RNF220: variants seen among roughly 807,000 people sequenced by gnomAD.
The protein encoded by RNF220 is E3 ubiquitin-protein ligase RNF220.
In RNF220, 7 loss-of-function variants were observed where a neutral mutation model predicts 67.1. The observed-to-expected ratio is 0.10, with a 90% confidence interval of 0.06 to 0.20. The LOEUF is 0.20. Among genes scored for constraint, RNF220 ranks in the 10% least tolerant of loss-of-function variants. RNF220 has a pLI of 1.00. For synonymous variants in RNF220, 270 were observed against 283.2 expected (o/e 0.95, Z 0.47); for missense variants, 565 against 740.3 (o/e 0.76, Z 2.75).
At chr1:44,478,242 A>G (rs1370613031) in intron 2 of RNF220, among the ~76,000 whole-genome samples, 1 of 151,984 alleles carries the variant, frequency 6.6e-6, no homozygotes, top group East Asian at 1.9e-4. Context: ...CGCCTCCCAA[A>G]TGCAGCCTCC....
chr1:44,444,566 G>A (rs1360410686), intron 2 of RNF220, among the ~76,000 whole-genome samples: 1 of 151,900 alleles, frequency 6.6e-6, no homozygotes, highest in Non-Finnish European at 1.5e-5. Flanking sequence ...TCAGCCTCCT[G>A]AGTAGCTGGG....
At chr1:44,475,656 T>C (rs1655233984) in intron 2 of RNF220, among the ~76,000 whole-genome samples, 1 of 151,392 alleles carries the variant, frequency 6.6e-6, no homozygotes, top group Non-Finnish European at 1.5e-5. Flanking sequence ...ATCCAATGCA[T>C]TGAATAAGAG....
intron 3 of RNF220, among the ~76,000 whole-genome samples, chr1:44,617,299 G>C (rs1427455095): frequency 6.6e-6 from 1 of 152,038 alleles, no homozygotes; most frequent in Non-Finnish European, 1.5e-5. Context: ...TGGACCGGCC[G>C]GCAAAGGCGT....
intron 1 of RNF220, 143 bp downstream of exon 1, chr1:44,405,673 G>A (rs974492439): frequency 4.2e-6 from 1 of 238,054 alleles, no homozygotes. Flanking sequence ...ACGGGGGCAG[G>A]GACTGGGACT....
chr1:44,409,654 C>T (rs926598888), intron 1 of RNF220, among the ~76,000 whole-genome samples: 6 of 152,198 alleles, frequency 3.9e-5, no homozygotes, highest in Admixed American at 3.3e-4. Flanking sequence ...ACTTACTTTC[C>T]CTTTGCCGGG....
chr1:44,650,742 A>G lies in RNF220; in HGVS notation c.1668A>G (p.Thr556=). The change falls in exon 15 of 15, where the codon ACA becomes ACG. Residue 556 remains threonine (T), a synonymous_variant. Coordinates refer to ENST00000361799, the MANE Select transcript of RNF220 (RefSeq NM_018150.4). The surrounding 1 kb of genome is among the most constrained non-coding windows in gnomAD (Gnocchi z 4.3). ...KKLCPQCNTI[T]APGDLRRIYL ...TCTGCCCTCAGTGCAACACGATCAC[A>G]GCGCCCGGAGACCTGCGGAGGATCT... 1.2e-6 allele frequency: 2 copies of G among 1,612,798 alleles called. No individual in the cohort carries two copies. The highest frequency in any genetic ancestry group is 1.7e-6 in the Non-Finnish European group (2 of 1,179,640).
At chr1:44,430,074 G>GA (rs371193453) in intron 2 of RNF220, among the ~76,000 whole-genome samples, 6,053 of 126,110 alleles carry the variant, frequency 0.048, 162 homozygotes, top group South Asian at 0.097. Flanking sequence ...GATACAGAGA[G>GA]AAAAAAAAAA....
intron 1 of RNF220, chr1:44,408,768 G>A (rs897810032): frequency 2.6e-5 from 4 of 152,212 alleles, no homozygotes; most frequent in Admixed American, 2.0e-4. Context: ...TAGTTTGGTG[G>A]GCGCCCTGAG....
intron 2 of RNF220, among the ~76,000 whole-genome samples, chr1:44,424,734 G>A (rs11808742): frequency 6.6e-6 from 1 of 152,310 alleles, no homozygotes; most frequent in Non-Finnish European, 1.5e-5. Context: ...CCCTCTGCCT[G>A]TCTTATTGCT....
rs137859902 is a variant in RNF220, at chr1:44,553,145, A to G, written c.626-61020A>G. The stretch of plus-strand genomic sequence containing the variant: ...GGAAGCTTTCTTCTGTCCACCCCAC[A>G]AGAGTAGGATAGGTGCCACTTTTGT... On this transcript the variant is annotated intron_variant, in intron 2 of 14. Coordinates refer to ENST00000361799, the MANE Select transcript of RNF220 (RefSeq NM_018150.4). Among the ~76,000 whole-genome samples the G allele has an allele frequency of 2.6e-5, 4 of 152,182 alleles. No individual in the cohort carries two copies. The East Asian group carries it at 7.8e-4, about 30-fold the overall frequency.
intron 2 of RNF220, among the ~76,000 whole-genome samples, chr1:44,425,916 T>G (rs1649719585): frequency 6.6e-6 from 1 of 152,116 alleles, no homozygotes; most frequent in East Asian, 1.9e-4. Flanking sequence ...GACATGCCAT[T>G]CCCTCCTTGA....
At chr1:44,610,262 G>A (rs1643225984) in intron 2 of RNF220, among the ~76,000 whole-genome samples, 1 of 152,218 alleles carries the variant, frequency 6.6e-6, no homozygotes, top group African/African-American at 2.4e-5. Context: ...GCTAAAAATT[G>A]TTGTCAGTCC....
chr1:44,476,790 A>C (rs1423429946), intron 2 of RNF220, among the ~76,000 whole-genome samples: 1 of 152,078 alleles, frequency 6.6e-6, no homozygotes, highest in Non-Finnish European at 1.5e-5. Flanking sequence ...TCTGTATGGG[A>C]TTTTTGTGAG....
rs542827785 is a variant in RNF220, at chr1:44,528,446, A to C, written c.626-85719A>C. ...CTCCCCAGCAGCTGGGACTACAGGC[A>C]CACGCTGCCACACCTGGCTAATTTT... On this transcript the variant is annotated intron_variant, in intron 2 of 14. Transcript: ENST00000361799. Among the ~76,000 whole-genome samples, 3 of 152,116 alleles carry C rather than the reference A, an allele frequency of 2.0e-5. No homozygotes were observed. The South Asian group carries it at 6.2e-4, about 32-fold the overall frequency.
chr1:44,541,403 G>A (rs965411641), intron 2 of RNF220, among the ~76,000 whole-genome samples: 13 of 152,200 alleles, frequency 8.5e-5, no homozygotes, highest in African/African-American at 3.1e-4. Flanking sequence ...ACCCCAGTCT[G>A]GGTGACAGAG....
intron 5 of RNF220, chr1:44,631,983 G>A: frequency 1.0e-6 from 1 of 1,002,034 alleles, no homozygotes. Context: ...CAACATGGCC[G>A]CCGCCGCCGC....
intron 2 of RNF220, among the ~76,000 whole-genome samples, chr1:44,525,261 G>A (rs956040959): frequency 6.6e-6 from 1 of 152,218 alleles, no homozygotes; most frequent in Non-Finnish European, 1.5e-5. Flanking sequence ...GGACTTTGGT[G>A]TGGGGGGCTT....
Position 44,405,548 on chromosome 1 carries a change from G to C in RNF220, c.-118+18G>C, listed in dbSNP as rs867531127. ...CACGGCAAGTATGGAGATCAGAAAGGGGTGTGGACGTGTGTGCGTACCCAA... is the reference window on the plus strand; with the variant it reads ...CACGGCAAGTATGGAGATCAGAAAGCGGTGTGGACGTGTGTGCGTACCCAA... On this transcript the variant is annotated intron_variant, in intron 1 of 14. Coordinates refer to ENST00000361799, the MANE Select transcript of RNF220 (RefSeq NM_018150.4). 1.0e-5 allele frequency: 4 copies of C among 394,608 alleles called. No individual in the cohort carries two copies. Among genetic ancestry groups the C allele is most frequent in the Non-Finnish European group, 1.8e-5 (4 of 218,164 alleles). The allele number at this position is 394,608 out of a possible 1,614,324, so 24.4% of individuals were successfully genotyped here.
At chr1:44,517,452 G>C (rs1032902169) in intron 2 of RNF220, among the ~76,000 whole-genome samples, 1 of 152,070 alleles carries the variant, frequency 6.6e-6, no homozygotes, top group Non-Finnish European at 1.5e-5. Context: ...GATTTCACCT[G>C]TTTTTTTCTT....
Sources: gnomAD v4.1 joint callset for allele counts (sites outside exome capture counted in the v4.1 genomes callset) on GRCh38, gnomAD v4.1.1 for gene constraint, Gnocchi (gnomAD v3.1) non-coding constraint, MANE v1.5 for transcripts, NCBI Gene and HGNC (gene_info 2026-07-23, HGNC 2026-07-21) for gene names.